SYNPR: variants seen among roughly 807,000 people sequenced by gnomAD.
SYNPR encodes the protein synaptoporin.
In SYNPR, 23 loss-of-function variants were observed where a neutral mutation model predicts 32.9. The ratio of observed to expected loss-of-function variants is 0.70; its 90% CI spans 0.50 to 0.99. The LOEUF (loss-of-function observed/expected upper bound fraction) is 0.99, where lower values mean the gene tolerates loss of function less well. Among genes scored for constraint, SYNPR ranks in the 50% least tolerant of loss-of-function variants. The pLI, the probability that SYNPR is intolerant of heterozygous loss-of-function variation, is 0.00. For synonymous variants in SYNPR, 146 were observed against 135.9 expected, an observed-to-expected ratio of 1.07 and a Z score of -0.52; for missense variants, 318 against 349.3, an observed-to-expected ratio of 0.91 and a Z score of 0.71.
intron 3 of SYNPR, among the ~76,000 whole-genome samples, chr3:63,491,740 C>T (rs1187551932): frequency 1.3e-5 from 2 of 151,970 alleles, no homozygotes; most frequent in South Asian, 2.1e-4. Flanking sequence ...ATGCTGTTCT[C>T]GAACTCCTGA....
At chr3:63,558,507 G>T (rs1314619164) in intron 4 of SYNPR, among the ~76,000 whole-genome samples, 3 of 151,800 alleles carry the variant, frequency 2.0e-5, no homozygotes, top group Admixed American at 2.0e-4. Context: ...TAGTTTTTGT[G>T]TTTTTTGCAG....
intron 2 of SYNPR, among the ~76,000 whole-genome samples, chr3:63,282,975 G>A (rs1213789876): frequency 6.6e-6 from 1 of 152,182 alleles, no homozygotes; most frequent in Admixed American, 6.5e-5. Flanking sequence ...ACAGAGGGAA[G>A]TGTAGATATA....
chr3:63,305,709 T>A (rs558261640), intron 2 of SYNPR, among the ~76,000 whole-genome samples: 1 of 152,062 alleles, frequency 6.6e-6, no homozygotes, highest in South Asian at 2.1e-4. Context: ...GATGCAGGTG[T>A]CCTACCGACA....
chr3:63,321,608 T>G (rs2087111628), intron 2 of SYNPR, among the ~76,000 whole-genome samples: 1 of 152,202 alleles, frequency 6.6e-6, no homozygotes, highest in South Asian at 2.1e-4. Context: ...ATTCTCTCTA[T>G]AGTCTGAATA....
At chr3:63,458,261 A>G (rs936623588) in intron 2 of SYNPR, among the ~76,000 whole-genome samples, 5 of 152,124 alleles carry the variant, frequency 3.3e-5, no homozygotes, top group Admixed American at 3.3e-4. Flanking sequence ...CTTTTGCTGC[A>G]TAACAACACA....
intron 3 of SYNPR, among the ~76,000 whole-genome samples, chr3:63,494,446 T>TATAC (rs370257410): frequency 0.22 from 24,144 of 107,342 alleles, 3,890 homozygotes; most frequent in Non-Finnish European, 0.23. Flanking sequence ...TATATATATA[T>TATAC]ACACATATAT....
intron 2 of SYNPR, among the ~76,000 whole-genome samples, chr3:63,298,331 T>G (rs1355910487): frequency 6.6e-6 from 1 of 152,150 alleles, no homozygotes; most frequent in Non-Finnish European, 1.5e-5. Context: ...TTTTCGAGAT[T>G]GCCAAGTGAT....
chr3:63,367,282 T>C (rs1028128783), intron 2 of SYNPR, among the ~76,000 whole-genome samples: 49 of 152,140 alleles, frequency 3.2e-4, no homozygotes, highest in African/African-American at 1.1e-3. Flanking sequence ...AGAGAAAGAC[T>C]CCTACATAAA....
chr3:63,348,539 G>A (rs1204340338), intron 2 of SYNPR, among the ~76,000 whole-genome samples: 2 of 152,054 alleles, frequency 1.3e-5, no homozygotes, highest in Non-Finnish European at 2.9e-5. Flanking sequence ...GTTTAATTAA[G>A]TCCCCTTTAT....
At chr3:63,488,016 A>T (rs2106710245) in intron 3 of SYNPR, among the ~76,000 whole-genome samples, 1 of 152,202 alleles carries the variant, frequency 6.6e-6, no homozygotes, top group Non-Finnish European at 1.5e-5. Flanking sequence ...GGCAGGTGCA[A>T]GTAGATGCCA....
chr3:63,354,544 C>T (rs1023297151), intron 2 of SYNPR, among the ~76,000 whole-genome samples: 1 of 152,184 alleles, frequency 6.6e-6, no homozygotes, highest in African/African-American at 2.4e-5. Flanking sequence ...AGTGGAAGCA[C>T]ATGAGAAGTA....
intron 3 of SYNPR, among the ~76,000 whole-genome samples, chr3:63,552,504 G>C (rs1702520234): frequency 2.0e-5 from 3 of 152,102 alleles, no homozygotes; most frequent in African/African-American, 7.2e-5. Context: ...GATTTTTGTG[G>C]GAAAGTGCAA....
At chr3:63,298,479 C>T (rs531472995) in intron 2 of SYNPR, among the ~76,000 whole-genome samples, 4 of 151,806 alleles carry the variant, frequency 2.6e-5, no homozygotes, top group Admixed American at 1.3e-4. Flanking sequence ...GGGAATGAGA[C>T]AAAACCAATA....
intron 2 of SYNPR, among the ~76,000 whole-genome samples, chr3:63,457,016 T>G (rs574308226): frequency 1.3e-5 from 2 of 152,160 alleles, no homozygotes; most frequent in East Asian, 3.9e-4. Flanking sequence ...GTCTTGTGGG[T>G]GGCCTAGCTG....
At chr3:63,522,030 G>C (rs1701925915) in intron 3 of SYNPR, among the ~76,000 whole-genome samples, 1 of 152,178 alleles carries the variant, frequency 6.6e-6, no homozygotes, top group African/African-American at 2.4e-5. Context: ...GATCTGGAGG[G>C]ACAAAGGACA....
chr3:63,460,960 T>C (rs866336949), intron 2 of SYNPR, among the ~76,000 whole-genome samples: 3 of 152,010 alleles, frequency 2.0e-5, no homozygotes, highest in African/African-American at 7.2e-5. Flanking sequence ...ATATAATCAA[T>C]ATTATGAATG....
chr3:63,310,415 C>A (rs2086952510), intron 2 of SYNPR, among the ~76,000 whole-genome samples: 1 of 151,914 alleles, frequency 6.6e-6, no homozygotes, highest in Non-Finnish European at 1.5e-5. Flanking sequence ...CTGAGTTGAA[C>A]CATATGTATT....
chr3:63,218,500 G>C, the SYNPR span, among the ~76,000 whole-genome samples: 1 of 152,188 alleles, frequency 6.6e-6, no homozygotes, highest in Non-Finnish European at 1.5e-5. Flanking sequence ...TTATAGGAGA[G>C]AGTTAGAATT....
At chr3:63,420,414 G>T (rs1020741256) in intron 2 of SYNPR, among the ~76,000 whole-genome samples, 1 of 152,104 alleles carries the variant, frequency 6.6e-6, no homozygotes, top group African/African-American at 2.4e-5. Flanking sequence ...ATAGATAAAT[G>T]CATATATGGA....
Sources: allele counts gnomAD v4.1 joint callset (sites outside exome capture counted in the v4.1 genomes callset), GRCh38; gene constraint gnomAD v4.1.1; transcripts MANE v1.5; gene names NCBI Gene and HGNC (gene_info 2026-07-23, HGNC 2026-07-21).